The following CNTNAP2 variants were observed in gnomAD, a reference collection of about 807,000 sequenced individuals.
CNTNAP2 encodes contactin associated protein 2, also known as contactin-associated protein-like 2.
In CNTNAP2, 98 loss-of-function variants were observed where a neutral mutation model predicts 155.2. The ratio of observed to expected loss-of-function variants is 0.63; its 90% CI spans 0.54 to 0.75. The LOEUF (loss-of-function observed/expected upper bound fraction) is 0.75. Among genes scored for constraint, CNTNAP2 ranks in the 30% least tolerant of loss-of-function variants. The pLI, the probability that CNTNAP2 is intolerant of heterozygous loss-of-function variation, is 0.00. For missense variants in CNTNAP2, 1,727 were observed against 1,688.1 expected (o/e 1.02, Z -0.40); for synonymous variants, 651 against 631.2 (o/e 1.03, Z -0.47).
chr7:147,706,312 G>C (rs1796315913), intron 13 of CNTNAP2, among the ~76,000 whole-genome samples: 1 of 151,590 alleles, frequency 6.6e-6, no homozygotes, highest in Non-Finnish European at 1.5e-5. Flanking sequence ...TTTCTTATAG[G>C]ACCAGGCTAA....
chr7:146,754,264 G>A (rs1302799732), intron 1 of CNTNAP2, among the ~76,000 whole-genome samples: 3 of 151,958 alleles, frequency 2.0e-5, no homozygotes, highest in African/African-American at 7.2e-5. Flanking sequence ...TAAAGAAAAT[G>A]GTTGAAACTC....
chr7:147,117,411 C>T (rs112728778), intron 5 of CNTNAP2, among the ~76,000 whole-genome samples: 164 of 152,268 alleles, frequency 1.1e-3, no homozygotes, highest in Middle Eastern at 3.4e-3. Context: ...CTTGGCTCCA[C>T]GTCGCTCCTG....
chr7:147,610,121 A>G (rs1801154018), intron 12 of CNTNAP2, among the ~76,000 whole-genome samples: 1 of 152,204 alleles, frequency 6.6e-6, no homozygotes, highest in African/African-American at 2.4e-5. Context: ...ATACATGTTG[A>G]AATTGAAGCT....
chr7:147,261,833 G>A (rs1804474347), intron 8 of CNTNAP2, among the ~76,000 whole-genome samples: 1 of 152,148 alleles, frequency 6.6e-6, no homozygotes, highest in African/African-American at 2.4e-5. Context: ...CAATTATTCT[G>A]AAAGATTTTG....
chr7:146,412,849 T>A (rs549997630), intron 1 of CNTNAP2, among the ~76,000 whole-genome samples: 92 of 152,350 alleles, frequency 6.0e-4, no homozygotes, highest in African/African-American at 2.2e-3. Context: ...GGGTTTCAGT[T>A]TAGTCACAGA....
chr7:146,368,642 C>T, intron 1 of CNTNAP2, among the ~76,000 whole-genome samples: 1 of 152,030 alleles, frequency 6.6e-6, no homozygotes. Context: ...TTACATGATA[C>T]TAATGTAGTA....
At chr7:147,296,123 A>T (rs1486834577) in intron 8 of CNTNAP2, among the ~76,000 whole-genome samples, 2 of 152,214 alleles carry the variant, frequency 1.3e-5, no homozygotes, top group Admixed American at 6.5e-5. Flanking sequence ...ATAAGGGTCT[A>T]TCTCTGGACA....
intron 13 of CNTNAP2, among the ~76,000 whole-genome samples, chr7:147,813,868 C>G (rs1414610523): frequency 6.6e-6 from 1 of 152,032 alleles, no homozygotes; most frequent in Non-Finnish European, 1.5e-5. Context: ...ATTAATTCAC[C>G]CTCTCTTCGT....
intron 3 of CNTNAP2, among the ~76,000 whole-genome samples, chr7:147,024,765 C>A (rs549611859): frequency 3.3e-5 from 5 of 152,212 alleles, no homozygotes; most frequent in Non-Finnish European, 7.4e-5. Context: ...ATTGGAAACT[C>A]CCTCCTCAGT....
intron 16 of CNTNAP2, among the ~76,000 whole-genome samples, chr7:148,133,533 G>T (rs1804876832): frequency 1.3e-5 from 2 of 152,146 alleles, no homozygotes. Context: ...CAGTGATTTA[G>T]AGGTTCAGAC....
At chr7:148,369,638 T>TCTATCATTA (rs1798851321) in intron 21 of CNTNAP2, among the ~76,000 whole-genome samples, 1 of 120,392 alleles carries the variant, frequency 8.3e-6, no homozygotes, top group Non-Finnish European at 1.8e-5. Context: ...GTTGCTGTTC[T>TCTATCATTA]TTATCATTAT....
chr7:146,968,506 C>T lies in CNTNAP2; in HGVS notation c.403-75401C>T, dbSNP rs552350392. On this transcript the variant is annotated intron_variant, in intron 3 of 23. Coordinates refer to ENST00000361727, the MANE Select transcript of CNTNAP2 (RefSeq NM_014141.6). Reference sequence around the variant, plus strand: ...TTTCAGAGCCTGTTATTGGTCTATTCGGAGATTCAACTTCTTCCTGGATTA... The same window carrying T: ...TTTCAGAGCCTGTTATTGGTCTATTTGGAGATTCAACTTCTTCCTGGATTA... Among the ~76,000 whole-genome samples, 648 of 152,164 alleles carry T rather than the reference C, an allele frequency of 4.3e-3. 7 individuals are homozygous for T. Among genetic ancestry groups the T allele is most frequent in the African/African-American group, 0.015 (607 of 41,506 alleles).
chr7:148,267,923 T>G (rs2116841907), intron 21 of CNTNAP2, among the ~76,000 whole-genome samples: 1 of 152,274 alleles, frequency 6.6e-6, no homozygotes, highest in East Asian at 1.9e-4. Context: ...AGAAAGCACC[T>G]TGATATTATT....
intron 1 of CNTNAP2, among the ~76,000 whole-genome samples, chr7:146,476,552 T>C (rs1444980671): frequency 6.6e-6 from 1 of 152,192 alleles, no homozygotes; most frequent in Non-Finnish European, 1.5e-5. Context: ...GTGCTATGAA[T>C]TGAACGTAGA....
intron 20 of CNTNAP2, among the ~76,000 whole-genome samples, chr7:148,231,713 A>C (rs114853379): frequency 0.02 from 3,057 of 152,142 alleles, 30 homozygotes; most frequent in African/African-American, 0.027. Context: ...GTTTCTTGAC[A>C]CTCATTTTAA....
At chr7:146,903,389 T>G (rs1796046311) in intron 3 of CNTNAP2, among the ~76,000 whole-genome samples, 1 of 152,202 alleles carries the variant, frequency 6.6e-6, no homozygotes, top group African/African-American at 2.4e-5. Context: ...GCATACTCAA[T>G]AATTTCATTT....
chr7:147,119,065 C>T (rs1801047087), intron 5 of CNTNAP2, among the ~76,000 whole-genome samples: 1 of 152,032 alleles, frequency 6.6e-6, no homozygotes, highest in Non-Finnish European at 1.5e-5. Context: ...TAACCAGAAA[C>T]AAAAGACATT....
chr7:148,046,242 A>G (rs188145824), intron 15 of CNTNAP2, among the ~76,000 whole-genome samples: 1 of 152,278 alleles, frequency 6.6e-6, no homozygotes, highest in Admixed American at 6.5e-5. Flanking sequence ...CATTGTGCCC[A>G]GCCAGTACCT....
At chr7:146,619,691 G>A (rs1237473317) in intron 1 of CNTNAP2, among the ~76,000 whole-genome samples, 3 of 152,148 alleles carry the variant, frequency 2.0e-5, no homozygotes, top group African/African-American at 7.2e-5. Flanking sequence ...AAGTGGGTAT[G>A]TAAGGAGAGA....
Sources: gnomAD v4.1 joint callset for allele counts (sites outside exome capture counted in the v4.1 genomes callset) on GRCh38, gnomAD v4.1.1 for gene constraint, MANE v1.5 for transcripts, NCBI Gene and HGNC (gene_info 2026-07-23, HGNC 2026-07-21) for gene names.